NTAQ1: variants seen among roughly 807,000 people sequenced by gnomAD.
NTAQ1 encodes N-terminal glutamine amidase 1.
Under a neutral mutation model 28.2 loss-of-function variants are expected in NTAQ1, and 21 were observed. That is an observed-to-expected ratio of 0.74 (90% CI 0.53 to 1.07). The LOEUF (loss-of-function observed/expected upper bound fraction) is 1.07. Ranked by LOEUF, NTAQ1 falls within the 50% of genes least tolerant of loss-of-function variation. The pLI is 0.00. For missense variants in NTAQ1, 264 were observed against 256.6 expected, an observed-to-expected ratio of 1.03 and a Z score of -0.20; for synonymous variants, 105 against 90.0, an observed-to-expected ratio of 1.17 and a Z score of -0.94.
intron 6 of NTAQ1, among the ~76,000 whole-genome samples, chr8:123,465,071 G>A (rs1815929003): frequency 6.6e-6 from 1 of 152,068 alleles, no homozygotes; most frequent in East Asian, 1.9e-4. Flanking sequence ...GGGGAGAGAC[G>A]ATACTGAGCC....
At chr8:123,430,102 G>A in intron 3 of NTAQ1, 69 bp downstream of exon 3, 2 of 1,324,876 alleles carry the variant, frequency 1.5e-6, no homozygotes, top group African/African-American at 1.5e-5. Flanking sequence ...TGTATGTTTT[G>A]GTAAAGCAGA....
chr8:123,437,323 T>C lies in NTAQ1; in HGVS notation c.497T>C (p.Ile166Thr), dbSNP rs747827421. The change falls in exon 5 of 6, where the codon ATT (isoleucine) becomes ACT (threonine). Residue 166 changes from isoleucine (I) to threonine (T), a missense_variant. Physicochemically the swap from Ile to Thr is moderately conservative, Grantham distance 89. Coordinates refer to ENST00000287387, the MANE Select transcript of NTAQ1 (RefSeq NM_018024.3). ...GAGCCTCCGCCGCCATATCCCTGCA[T>C]TGAGACTGGAGGTGAGCCAAGATGC... is the stretch of plus-strand genomic sequence containing the variant. ...WREPPPPYPC[I>T]ETGDSKMNLN... The C allele has an allele frequency of 6.2e-7, 1 of 1,614,098 alleles. No homozygotes were observed. Among genetic ancestry groups the C allele is most frequent in the South Asian group, 1.1e-5 (1 of 91,088 alleles).
downstream of NTAQ1, among the ~76,000 whole-genome samples, chr8:123,452,976 A>G (rs1815547364): frequency 1.3e-5 from 2 of 152,220 alleles, no homozygotes; most frequent in Admixed American, 6.5e-5. Context: ...CTTCACTTAG[A>G]GTCAATAGGC....
At position 123,417,410 on chromosome 8, in the gene NTAQ1, A is replaced by G. The variant is rs147599931; in HGVS notation, c.83+478A>G. On this transcript the variant is annotated intron_variant, in intron 1 of 5. Coordinates refer to ENST00000287387, the MANE Select transcript of NTAQ1 (RefSeq NM_018024.3). ...AACTAAATCACTGAGCATCACAATA[A>G]CCGTAAGAGGTAGGTATTGTTATCC... Among the ~76,000 whole-genome samples the G allele has an allele frequency of 2.8e-3, 428 of 152,220 alleles. 2 individuals carry two copies. Among genetic ancestry groups the G allele is most frequent in the African/African-American group, 9.8e-3 (407 of 41,538 alleles).
chr8:123,472,955 C>T (rs1816055352), downstream of NTAQ1, among the ~76,000 whole-genome samples: 1 of 152,128 alleles, frequency 6.6e-6, no homozygotes, highest in Admixed American at 6.6e-5. Flanking sequence ...TCCAAGGATG[C>T]CCTGGATATT....
At chr8:123,446,186 A>G (rs1284466207), downstream of NTAQ1, among the ~76,000 whole-genome samples, 1 of 151,386 alleles carries the variant, frequency 6.6e-6, no homozygotes, top group Non-Finnish European at 1.5e-5. Flanking sequence ...TTTTTATTAT[A>G]GTAGAGACAG....
Position 123,416,810 on chromosome 8 carries a change from G to T in NTAQ1, c.-40G>T, listed in dbSNP as rs1311046503. The T allele has an allele frequency of 6.6e-7, 1 of 1,510,004 alleles. No individual in the cohort carries two copies. The highest frequency in any genetic ancestry group is 2.1e-5 in the Admixed American group (1 of 47,266). The allele number at this position is 1,510,004 out of a possible 1,614,324, so 93.5% of individuals were successfully genotyped here. On this transcript the variant is annotated 5_prime_UTR_variant, in exon 1 of 6. Coordinates refer to ENST00000287387, the MANE Select transcript of NTAQ1 (RefSeq NM_018024.3). ...GCCCTTTCCTACGTCTGGTCCAGTC[G>T]GTCTTCCTCCGGCCCGGGCCCTGGC...
downstream of NTAQ1, among the ~76,000 whole-genome samples, chr8:123,452,491 G>A (rs890134248): frequency 5.3e-5 from 8 of 152,194 alleles, no homozygotes; most frequent in Admixed American, 2.0e-4. Flanking sequence ...CAGCTACTTG[G>A]GAGGCTGAGG....
chr8:123,436,431 C>T (rs1317659296), intron 3 of NTAQ1, 22 bp from the exon 4 acceptor site: 2 of 1,611,096 alleles, frequency 1.2e-6, no homozygotes, highest in Non-Finnish European at 1.7e-6. Flanking sequence ...ACTTGGTTAA[C>T]TTCAGCAACT....
At chr8:123,444,470 G>A (rs766729487), downstream of NTAQ1, among the ~76,000 whole-genome samples, 2 of 152,066 alleles carry the variant, frequency 1.3e-5, no homozygotes, top group Non-Finnish European at 2.9e-5. Flanking sequence ...AAAATGCTGG[G>A]ATTACAGGTA....
At chr8:123,474,377 T>C (rs1312466185), downstream of NTAQ1, among the ~76,000 whole-genome samples, 1 of 152,218 alleles carries the variant, frequency 6.6e-6, no homozygotes, top group Non-Finnish European at 1.5e-5. Flanking sequence ...AATTTGGCTT[T>C]GTCTGTATTT....
intron 6 of NTAQ1, among the ~76,000 whole-genome samples, chr8:123,461,028 T>C (rs1295765602): frequency 6.6e-6 from 1 of 152,198 alleles, no homozygotes; most frequent in Non-Finnish European, 1.5e-5. Context: ...GTATGGATGC[T>C]GTCAATCCCT....
At chr8:123,464,234 C>T (rs1228319275) in intron 6 of NTAQ1, among the ~76,000 whole-genome samples, 1 of 152,062 alleles carries the variant, frequency 6.6e-6, no homozygotes, top group Admixed American at 6.6e-5. Flanking sequence ...GTCTTTATAC[C>T]CCTAAAGGGA....
intron 6 of NTAQ1, among the ~76,000 whole-genome samples, chr8:123,465,320 T>C (rs546440184): frequency 6.6e-6 from 1 of 152,250 alleles, no homozygotes; most frequent in African/African-American, 2.4e-5. Flanking sequence ...GTATAAACAG[T>C]ACTGTGAAAT....
chr8:123,426,028 C>T (rs1814032827), intron 1 of NTAQ1, among the ~76,000 whole-genome samples: 2 of 152,034 alleles, frequency 1.3e-5, no homozygotes, highest in Admixed American at 6.6e-5. Context: ...CGTCCCCGCT[C>T]CCCCCTGCAA....
chr8:123,460,886 C>T (rs1047709090), intron 6 of NTAQ1, among the ~76,000 whole-genome samples: 6 of 152,164 alleles, frequency 3.9e-5, no homozygotes, highest in African/African-American at 1.4e-4. Flanking sequence ...CGCCAGCATC[C>T]AGAGATGAGT....
At chr8:123,423,232 TCTCCCTCCTTCC>T (rs113452424) in intron 1 of NTAQ1, among the ~76,000 whole-genome samples, 4,650 of 143,012 alleles carry the variant, frequency 0.033, 271 homozygotes, top group African/African-American at 0.11. Flanking sequence ...TCCTTCCCTC[TCTCCCTCCTTCC>T]CTCCCTCCTT....
chr8:123,427,515 G>A (rs908324731), intron 1 of NTAQ1, among the ~76,000 whole-genome samples: 2 of 152,044 alleles, frequency 1.3e-5, no homozygotes, highest in Non-Finnish European at 2.9e-5. Context: ...TGATCCGCCC[G>A]CCTCGGCCTC....
chr8:123,418,447 C>CAA lies in NTAQ1; in HGVS notation c.83+1530_83+1531dup, dbSNP rs11447317. 2.2e-3 allele frequency among the ~76,000 whole-genome samples: 276 copies of CAA among 126,674 alleles called. 2 individuals are homozygous for CAA. The highest frequency in any genetic ancestry group is 6.5e-3 in the South Asian group (24 of 3,710). 83.1% of individuals were successfully genotyped at this position (126,674 alleles called of 152,430 possible). A position where few individuals can be genotyped will look rare whatever the true frequency, so the allele number is the denominator to read the frequency against. ...TGGGCAACAGAGCAAGACTCCATCT[C>CAA]AAAAAAAAAAAAAAAATAAAAAGCC... On this transcript the variant is annotated intron_variant, in intron 1 of 5. Transcript: ENST00000287387.
Sources: allele counts gnomAD v4.1 joint callset (sites outside exome capture counted in the v4.1 genomes callset), GRCh38; gene constraint gnomAD v4.1.1; transcripts MANE v1.5; gene names NCBI Gene and HGNC (gene_info 2026-07-23, HGNC 2026-07-21).